CPSF7: variants seen among roughly 807,000 people sequenced by gnomAD.
CPSF7 encodes the protein cleavage and polyadenylation specificity factor subunit 7.
CPSF7 carries 1 observed loss-of-function variant against 44.3 expected under a neutral mutation model. The ratio of observed to expected loss-of-function variants is 0.02; its 90% CI spans 0.01 to 0.11. The LOEUF is 0.11. Ranked by LOEUF, CPSF7 falls within the 10% of genes least tolerant of loss-of-function variation. CPSF7 has a pLI of 1.00. For missense variants in CPSF7, 443 were observed against 607.2 expected (o/e 0.73, Z 2.84); for synonymous variants, 202 against 222.0 (o/e 0.91, Z 0.80).
intron 9 of CPSF7, among the ~76,000 whole-genome samples, chr11:61,410,305 G>A (rs1162031004): frequency 6.6e-6 from 1 of 152,022 alleles, no homozygotes; most frequent in Non-Finnish European, 1.5e-5. Flanking sequence ...GGCTGGTCTC[G>A]AACTCCTGGC....
In CPSF7 at chr11:61,421,701, G is replaced by A. The variant is rs1035228968; in HGVS notation, c.55-93C>T. 3.2e-5 allele frequency: 29 copies of A among 894,880 alleles called. No homozygotes were observed. The African/African-American group carries it at 4.3e-4, about 13-fold the overall frequency. 55.4% of individuals were successfully genotyped at this position (894,880 alleles called of 1,614,324 possible). ...TTTATTAGAATCCAGTTAAATACTTGGTAAAACATGTACAAAACTTCCTTG... is the reference window on the plus strand; with the variant it reads ...TTTATTAGAATCCAGTTAAATACTTAGTAAAACATGTACAAAACTTCCTTG... On this transcript the variant is annotated intron_variant, in intron 2 of 9. Transcript: ENST00000439958.
At chr11:61,406,382 A>C (rs1189629438) in intron 9 of CPSF7, among the ~76,000 whole-genome samples, 3 of 152,194 alleles carry the variant, frequency 2.0e-5, no homozygotes, top group African/African-American at 7.2e-5. Flanking sequence ...TTCTAACTAA[A>C]AGGTTGCTAT....
At chr11:61,410,421 A>C (rs1400754792) in intron 9 of CPSF7, among the ~76,000 whole-genome samples, 1 of 152,138 alleles carries the variant, frequency 6.6e-6, no homozygotes, top group African/African-American at 2.4e-5. Flanking sequence ...CTTGAAAACT[A>C]AGTGGCAATG....
At chr11:61,427,191 G>C (rs948986259) in intron 2 of CPSF7, 1 of 151,388 alleles carries the variant, frequency 6.6e-6, no homozygotes, top group Non-Finnish European at 1.5e-5. Flanking sequence ...TTGAGCTCAG[G>C]AGTTGAGAGA....
chr11:61,411,520 T>C (rs1303506882), intron 8 of CPSF7, among the ~76,000 whole-genome samples: 3 of 152,192 alleles, frequency 2.0e-5, no homozygotes, highest in African/African-American at 7.2e-5. Context: ...CCAAAACCCA[T>C]GTTCTTAAAA....
intron 2 of CPSF7, among the ~76,000 whole-genome samples, chr11:61,422,433 T>C (rs1369316047): frequency 6.6e-6 from 1 of 151,982 alleles, no homozygotes. Context: ...CCCACTTCAG[T>C]CTCCCAAGTA....
rs1859038795 is a variant in CPSF7 at position 61,403,285 on chromosome 11, A to G, written c.*1425T>C. On this transcript the variant is annotated 3_prime_UTR_variant, in exon 10 of 10. Transcript: ENST00000439958. Reference sequence around the variant, plus strand: ...CCCTATGTCTCACATGCCAAGTCTCATCTCACATGCCACGTCTCATGTTAG... The same window carrying G: ...CCCTATGTCTCACATGCCAAGTCTCGTCTCACATGCCACGTCTCATGTTAG... The G allele has an allele frequency of 6.6e-6, 1 of 152,190 alleles. No homozygotes were observed. The highest frequency in any genetic ancestry group is 6.5e-5 in the Admixed American group (1 of 15,272). 9.4% of individuals were successfully genotyped at this position (152,190 alleles called of 1,614,324 possible).
intron 2 of CPSF7, among the ~76,000 whole-genome samples, chr11:61,423,294 T>C (rs1358789841): frequency 2.7e-5 from 4 of 149,792 alleles, no homozygotes; most frequent in African/African-American, 4.9e-5. Flanking sequence ...TGCCTCAGCC[T>C]CCTGAGTAGC....
In CPSF7 at chr11:61,416,224, A is replaced by AG; in HGVS notation, c.818dup (p.Gly274TrpfsTer36). On this transcript the variant is annotated frameshift_variant, in exon 6 of 10. Coordinates refer to ENST00000439958, the MANE Select transcript of CPSF7 (RefSeq NM_001142565.3). ...GGTGAAGGGCAGGTGGGATGGCCCC[A>AG]GGGGGAGGTACAGCAAGATGAGGAG... 2 of 1,531,022 alleles carry AG rather than the reference A, an allele frequency of 1.3e-6. No homozygotes were observed. The highest frequency in any genetic ancestry group is 1.8e-6 in the Non-Finnish European group (2 of 1,141,070). The allele number at this position is 1,531,022 out of a possible 1,614,324, so 94.8% of individuals were successfully genotyped here.
intron 9 of CPSF7, among the ~76,000 whole-genome samples, chr11:61,408,632 T>C (rs905657973): frequency 2.6e-5 from 4 of 152,168 alleles, no homozygotes; most frequent in Non-Finnish European, 5.9e-5. Flanking sequence ...AGAAACAATC[T>C]TTCCAGAAGT....
intron 2 of CPSF7, among the ~76,000 whole-genome samples, chr11:61,425,684 T>C (rs996213329): frequency 4.6e-5 from 7 of 152,232 alleles, no homozygotes. Flanking sequence ...GATACCATTG[T>C]TTCTTTTAAT....
chr11:61,415,944 G>A (rs1170939385), intron 6 of CPSF7, 160 bp from the exon 7 acceptor site: 1 of 834,334 alleles, frequency 1.2e-6, no homozygotes. Context: ...TTAAAAAGGG[G>A]TATAAAGGAC....
chr11:61,421,249 C>T, intron 3 of CPSF7, 141 bp downstream of exon 3: 1 of 1,008,822 alleles, frequency 9.9e-7, no homozygotes. Flanking sequence ...TTTCAGAGAT[C>T]AATCCAACCT....
intron 9 of CPSF7, among the ~76,000 whole-genome samples, chr11:61,405,390 T>C (rs909265151): frequency 6.6e-6 from 1 of 152,124 alleles, no homozygotes. Flanking sequence ...ATGACAGCCA[T>C]AGGTGAGGAA....
At chr11:61,409,467 T>TCAAAA (rs1243620846) in intron 9 of CPSF7, among the ~76,000 whole-genome samples, 3 of 151,980 alleles carry the variant, frequency 2.0e-5, no homozygotes, top group East Asian at 1.9e-4. Flanking sequence ...AGACTCTGTC[T>TCAAAA]CAAAACAAAA....
rs927847153 is a variant in CPSF7 at position 61,403,747 on chromosome 11, T to G, written c.*963A>C. ...TAGGCCATATCCTGCCCAACTTGCT[T>G]CTTTCCCCATTCCTCCTGGTTACTT... is the stretch of plus-strand genomic sequence containing the variant. On this transcript the variant is annotated 3_prime_UTR_variant, in exon 10 of 10. Transcript: ENST00000439958. 4 of 152,300 alleles carry G rather than the reference T, an allele frequency of 2.6e-5. No individual in the cohort carries two copies. Among genetic ancestry groups the G allele is most frequent in the African/African-American group, 4.8e-5 (2 of 41,460 alleles). The allele number at this position is 152,300 out of a possible 1,614,324, so 9.4% of individuals were successfully genotyped here.
chr11:61,429,766 C>T, intron 1 of CPSF7, 148 bp downstream of exon 1: 1 of 1,546,702 alleles, frequency 6.5e-7, no homozygotes, highest in Non-Finnish European at 8.7e-7. Flanking sequence ...CCCGGCCCGG[C>T]GCGCTCTGCC....
chr11:61,422,371 T>C (rs1371781975), intron 2 of CPSF7, among the ~76,000 whole-genome samples: 1 of 151,884 alleles, frequency 6.6e-6, no homozygotes, highest in Non-Finnish European at 1.5e-5. Flanking sequence ...TGGAGGGCAG[T>C]GGTGCAATTA....
At chr11:61,420,610 G>C in intron 3 of CPSF7, 37 bp from the exon 4 acceptor site, 2 of 1,519,730 alleles carry the variant, frequency 1.3e-6, no homozygotes. Flanking sequence ...GAGATGTCAA[G>C]AGCTACACCC....
Sources: allele counts gnomAD v4.1 joint callset (sites outside exome capture counted in the v4.1 genomes callset), GRCh38; gene constraint gnomAD v4.1.1; transcripts MANE v1.5; gene names NCBI Gene and HGNC (gene_info 2026-07-23, HGNC 2026-07-21).